The following SPRY3 variants were observed in gnomAD, a reference collection of about 807,000 sequenced individuals.
SPRY3 encodes the protein sprouty RTK signaling antagonist 3, also known as protein sprouty homolog 3.
Under a neutral mutation model 20.2 loss-of-function variants are expected in SPRY3, and 15 were observed. The ratio of observed to expected loss-of-function variants is 0.74; its 90% CI spans 0.50 to 1.14. SPRY3 has a LOEUF of 1.14. Among genes scored for constraint, SPRY3 ranks in the 50% most tolerant of loss-of-function variants. The pLI, the probability that SPRY3 is intolerant of heterozygous loss-of-function variation, is 0.00. For synonymous variants in SPRY3, 143 were observed against 136.5 expected (o/e 1.05, Z -0.33); for missense variants, 364 against 363.9 (o/e 1.00, Z 0.00).
intron 1 of SPRY3, among the ~76,000 whole-genome samples, chrX:155,656,690 A>AT (rs782401442): frequency 2.9e-4 from 32 of 110,804 alleles, no homozygotes; most frequent in African/African-American, 9.5e-4. Context: ...GGTTTTTGGA[A>AT]TTTTCAGCCT....
chrX:155,659,040 A>G (rs1439496205), intron 2 of SPRY3, among the ~76,000 whole-genome samples: 1 of 111,310 alleles, frequency 9.0e-6, no homozygotes, highest in East Asian at 2.8e-4. Flanking sequence ...GGAGCACTTG[A>G]TTGTGATGTA....
chrX:155,667,914 C>T (rs1387902227), intron 2 of SPRY3, among the ~76,000 whole-genome samples: 2 of 110,942 alleles, frequency 1.8e-5, no homozygotes, highest in Non-Finnish European at 3.8e-5. Context: ...CACAATGTGC[C>T]CACTCTACAT....
chrX:155,648,683 G>A (rs1313000054), intron 1 of SPRY3, among the ~76,000 whole-genome samples: 2 of 111,829 alleles, frequency 1.8e-5, no homozygotes, highest in African/African-American at 6.5e-5. Context: ...CCAGTACCAT[G>A]CTATTTTGGT....
At chrX:155,765,481 C>A (rs1041435723) in intron 2 of SPRY3, among the ~76,000 whole-genome samples, 1 of 152,150 alleles carries the variant, frequency 6.6e-6, no homozygotes, top group African/African-American at 2.4e-5. Context: ...AGAACAGCAC[C>A]TGGCAAAGAG....
intron 2 of SPRY3, among the ~76,000 whole-genome samples, chrX:155,696,682 A>G (rs1041459952): frequency 9.0e-6 from 1 of 111,159 alleles, no homozygotes; most frequent in Non-Finnish European, 1.9e-5. Context: ...AAACACAGCC[A>G]CCACTAGCCA....
At chrX:155,739,986 G>A (rs754210046) in intron 2 of SPRY3, among the ~76,000 whole-genome samples, 1 of 152,262 alleles carries the variant, frequency 6.6e-6, no homozygotes, top group South Asian at 2.1e-4. Context: ...ATTGACAGAA[G>A]TGGGCTTCAT....
intron 1 of SPRY3, among the ~76,000 whole-genome samples, chrX:155,643,186 A>G (rs1001720267): frequency 4.5e-5 from 5 of 111,857 alleles, no homozygotes; most frequent in African/African-American, 1.6e-4. Context: ...TACAATCATT[A>G]TATCCTCTCA....
chrX:155,725,123 A>G (rs1189966370), intron 2 of SPRY3, among the ~76,000 whole-genome samples: 1 of 152,142 alleles, frequency 6.6e-6, no homozygotes, highest in African/African-American at 2.4e-5. Flanking sequence ...GATTACATTT[A>G]TTGATTTGTG....
chrX:155,740,386 C>T (rs2091197706), intron 2 of SPRY3, among the ~76,000 whole-genome samples: 1 of 152,078 alleles, frequency 6.6e-6, no homozygotes, highest in Non-Finnish European at 1.5e-5. Context: ...TTTCTTCTTG[C>T]AGAGAGCCTA....
At chrX:155,662,682 C>CAAAA (rs34216827) in intron 2 of SPRY3, among the ~76,000 whole-genome samples, 2,624 of 56,902 alleles carry the variant, frequency 0.046, 177 homozygotes, top group Admixed American at 0.18. Flanking sequence ...TGTAGTTTGG[C>CAAAA]AAAAAAAAAA....
At chrX:155,765,989 T>C (rs1442313699) in intron 2 of SPRY3, among the ~76,000 whole-genome samples, 1 of 152,190 alleles carries the variant, frequency 6.6e-6, no homozygotes, top group East Asian at 1.9e-4. Flanking sequence ...GCTTGACACA[T>C]AGTTAATGTG....
At chrX:155,749,154 C>G (rs376084833) in intron 2 of SPRY3, among the ~76,000 whole-genome samples, 5 of 151,868 alleles carry the variant, frequency 3.3e-5, no homozygotes, top group African/African-American at 9.7e-5. Context: ...AATCAGAGTT[C>G]TTAGCTATAA....
intron 1 of SPRY3, among the ~76,000 whole-genome samples, chrX:155,616,644 T>C (rs5940404): frequency 0.032 from 3,570 of 111,296 alleles, 59 homozygotes; most frequent in South Asian, 0.11. Context: ...CTGGTTACCA[T>C]AGACCTTTAT....
intron 1 of SPRY3, among the ~76,000 whole-genome samples, chrX:155,643,803 TTCTA>T (rs2067949605): frequency 8.9e-6 from 1 of 112,492 alleles, no homozygotes; most frequent in African/African-American, 3.2e-5. Context: ...TTGTTTCTAT[TTCTA>T]TCTTCTTCCT....
At chrX:155,776,834 C>T (rs773027251), downstream of SPRY3, 1 of 167,142 alleles carries the variant, frequency 6.0e-6, no homozygotes, top group African/African-American at 2.4e-5. Context: ...TCTGAATCTT[C>T]CTGAAGTGTA....
chrX:155,710,849 G>T (rs2124541857), intron 2 of SPRY3, among the ~76,000 whole-genome samples: 1 of 151,206 alleles, frequency 6.6e-6, no homozygotes, highest in Admixed American at 6.6e-5. Context: ...ATATACCTAG[G>T]TTTTTTTAGG....
intron 2 of SPRY3, among the ~76,000 whole-genome samples, chrX:155,720,108 A>G (rs369251205): frequency 6.6e-6 from 1 of 152,108 alleles, no homozygotes; most frequent in East Asian, 1.9e-4. Context: ...ATTTACTACA[A>G]GCTGACAGAA....
In SPRY3 at chrX:155,726,250, A is replaced by G. The variant is rs186957241; in HGVS notation, c.-281-41712A>G. On this transcript the variant is annotated intron_variant, in intron 2 of 3. Coordinates refer to ENST00000675360, the Ensembl canonical transcript of SPRY3. Reference sequence around the variant, plus strand: ...TGCTTTACTACCGATTATGTTGTCAATTTTAGAATAACTGCGATGTGGTGC... The same window carrying G: ...TGCTTTACTACCGATTATGTTGTCAGTTTTAGAATAACTGCGATGTGGTGC... Among the ~76,000 whole-genome samples, 10 of 152,250 alleles carry G rather than the reference A, an allele frequency of 6.6e-5. No individual in the cohort carries two copies. In the East Asian group the frequency reaches 1.9e-3, roughly 29 times the overall value.
At chrX:155,728,200 G>T (rs761212133) in intron 2 of SPRY3, among the ~76,000 whole-genome samples, 1 of 152,268 alleles carries the variant, frequency 6.6e-6, no homozygotes, top group Non-Finnish European at 1.5e-5. Context: ...CGTCCCAGAG[G>T]GGCACCTGCC....
Sources: gnomAD v4.1 joint callset for allele counts (sites outside exome capture counted in the v4.1 genomes callset) on GRCh38, gnomAD v4.1.1 for gene constraint, MANE v1.5 for transcripts, NCBI Gene and HGNC (gene_info 2026-07-23, HGNC 2026-07-21) for gene names.